VWF: variants seen among roughly 807,000 people sequenced by gnomAD.
VWF encodes Factor VIII related antigen.
A neutral mutation model predicts 308.6 loss-of-function variants in VWF; 176 were observed. The observed-to-expected ratio is 0.57, with a 90% CI of 0.50 to 0.65. VWF has a LOEUF of 0.65. VWF is among the 30% of genes least tolerant of loss of function. The pLI, the probability that VWF is intolerant of heterozygous loss-of-function variation, is 0.00. For missense variants in VWF, 3,146 were observed against 3,648.2 expected (o/e 0.86, Z 3.55); for synonymous variants, 1,385 against 1,443.4 (o/e 0.96, Z 0.92).
intron 18 of VWF, among the ~76,000 whole-genome samples, chr12:6,040,675 C>T (rs1308451280): frequency 6.6e-6 from 1 of 152,192 alleles, no homozygotes; most frequent in Non-Finnish European, 1.5e-5. Context: ...GTTTCTCTGC[C>T]CTTCATTTAT....
At position 6,021,948 on chromosome 12, in the gene VWF, C is replaced by A; in HGVS notation, c.3626G>T (p.Gly1209Val). The A allele has an allele frequency of 6.2e-7, 1 of 1,614,186 alleles. No homozygotes were observed. Among genetic ancestry groups the A allele is most frequent in the Non-Finnish European group, 8.5e-7 (1 of 1,180,036 alleles). ...CEVAGRRFASGKKVTLNPSDP... is the reference protein window; with the variant it reads ...CEVAGRRFASVKKVTLNPSDP... The stretch of plus-strand genomic sequence containing the variant: ...ACTGGGATTCAAGGTGACTTTCTTT[C>A]CTGAGGCAAAACGCCGGCCAGCCAC... Residue 1209 changes from glycine (G) to valine (V), a missense_variant, in exon 27 of 52, where the codon GGA becomes GTA. This residue lies in a region of VWF where 853 missense variants were observed against 1,177.8 expected (regional missense o/e 0.72). Transcript: ENST00000261405.
intron 15 of VWF, 21 bp from the exon 16 acceptor site, chr12:6,052,804 A>G: frequency 6.2e-7 from 1 of 1,609,592 alleles, no homozygotes. Context: ...GAGGAGAAGT[A>G]AGGCCTCAGC....
chr12:6,061,239 C>T (rs1345983708), intron 13 of VWF, among the ~76,000 whole-genome samples: 6 of 151,922 alleles, frequency 3.9e-5, no homozygotes, highest in East Asian at 1.9e-4. Flanking sequence ...AACTGGCTAA[C>T]GTGAAGCACC....
At chr12:5,956,624 G>A (rs1466304210) in intron 47 of VWF, among the ~76,000 whole-genome samples, 2 of 145,138 alleles carry the variant, frequency 1.4e-5, no homozygotes, top group Non-Finnish European at 3.0e-5. Flanking sequence ...CCTGGGTGAC[G>A]AATGAGACCC....
chr12:6,029,312 C>A, intron 22 of VWF, 30 bp downstream of exon 22: 2 of 1,613,680 alleles, frequency 1.2e-6, no homozygotes, highest in Non-Finnish European at 1.7e-6. Flanking sequence ...GGCCAAGTCC[C>A]CAACAAGATG....
At chr12:6,123,752 A>T (rs1012697835) in intron 1 of VWF, among the ~76,000 whole-genome samples, 7 of 152,132 alleles carry the variant, frequency 4.6e-5, no homozygotes, top group African/African-American at 1.7e-4. Context: ...GATGCTTAGC[A>T]CCCAGGAGAT....
intron 9 of VWF, 103 bp downstream of exon 9, chr12:6,072,228 A>G (rs773625536): frequency 1.9e-5 from 20 of 1,052,442 alleles, no homozygotes; most frequent in Non-Finnish European, 2.8e-5. Context: ...CTTTCTTGGC[A>G]CGGTCCAGGT....
rs1432610975 is a variant in VWF at position 6,060,887 on chromosome 12, A to C, written c.1533+2067T>G. ...ATGGGTGGAGAGCACCCTCTCTGTG[A>C]GGTGGGAAGATGCTGAGAAAGTGGA... On this transcript the variant is annotated intron_variant, in intron 13 of 51. Coordinates refer to ENST00000261405, the MANE Select transcript of VWF (RefSeq NM_000552.5). This position sits in a 1 kb window ranked among gnomAD's most constrained non-coding sequence, Gnocchi z 5.1. Among the ~76,000 whole-genome samples the C allele has an allele frequency of 6.6e-6, 1 of 152,082 alleles. No individual in the cohort carries two copies.
At position 6,016,202 on chromosome 12, in the gene VWF, A is replaced by C; in HGVS notation, c.5342T>G (p.Leu1781Trp). The change falls in exon 31 of 52, where the codon TTG (leucine) becomes TGG (tryptophan). Residue 1781 changes from leucine to tryptophan, a missense_variant. Leu to Trp is a moderately conservative substitution (Grantham distance 61). Coordinates refer to ENST00000261405, the MANE Select transcript of VWF (RefSeq NM_000552.5). ...GDALGFAVRY[L>W]TSEMHGARPG... ...CCTGGCACCATGCATTTCTGAAGTC[A>C]AGTATCGCACAGCAAAGCCCAAGGC... is the stretch of plus-strand genomic sequence containing the variant. 1 of 1,614,208 alleles carries C rather than the reference A, an allele frequency of 6.2e-7. No homozygotes were observed. The highest frequency in any genetic ancestry group is 1.1e-5 in the South Asian group (1 of 91,082).
intron 36 of VWF, 49 bp downstream of exon 36, chr12:5,994,356 CAAGTAAGGTT>C: frequency 6.2e-7 from 1 of 1,605,784 alleles, no homozygotes. Flanking sequence ...CAGAGTAGAG[CAAGTAAGGTT>C]TATAAATGTA....
chr12:5,978,632 G>A (rs1455494321), intron 42 of VWF, among the ~76,000 whole-genome samples: 1 of 152,170 alleles, frequency 6.6e-6, no homozygotes, highest in East Asian at 1.9e-4. Flanking sequence ...ACTTAGAAGA[G>A]AAATGATACA....
chr12:6,042,777 T>C (rs184425867), intron 18 of VWF, among the ~76,000 whole-genome samples: 1 of 152,224 alleles, frequency 6.6e-6, no homozygotes, highest in East Asian at 1.9e-4. Flanking sequence ...AATATAATTA[T>C]TGTGGTTACT....
At chr12:6,110,613 G>A in intron 4 of VWF, 31 bp from the exon 5 acceptor site, 1 of 1,606,814 alleles carries the variant, frequency 6.2e-7, no homozygotes, top group Non-Finnish European at 8.5e-7. Context: ...TCAGAAGTGG[G>A]CTTCTTGTGC....
rs191486765 is a variant in VWF at position 6,120,990 on chromosome 12, G to A, written c.220+184C>T. On this transcript the variant is annotated intron_variant, in intron 3 of 51. Transcript: ENST00000261405. Reference sequence around the variant, plus strand: ...TCTTCATCCATCCCACCCGGCTCCCGTGGGGAGAGACCCGGGGAAAGCCAA... The same window carrying A: ...TCTTCATCCATCCCACCCGGCTCCCATGGGGAGAGACCCGGGGAAAGCCAA... 1.7e-3 allele frequency among the ~76,000 whole-genome samples: 253 copies of A among 152,278 alleles called. 1 individual carries two copies. Among genetic ancestry groups the A allele is most frequent in the African/African-American group, 5.0e-3 (207 of 41,562 alleles).
intron 6 of VWF, among the ~76,000 whole-genome samples, chr12:6,079,665 C>T (rs546473743): frequency 6.6e-6 from 1 of 151,866 alleles, no homozygotes. Flanking sequence ...CTCTCAGGCT[C>T]GTGGCAGAGA....
intron 50 of VWF, among the ~76,000 whole-genome samples, chr12:5,950,698 A>G (rs1281722098): frequency 6.6e-6 from 1 of 152,114 alleles, no homozygotes; most frequent in Non-Finnish European, 1.5e-5. Context: ...ATACTATACT[A>G]TGTTGCTGTG....
At chr12:5,955,723 G>A (rs1453474761) in intron 47 of VWF, among the ~76,000 whole-genome samples, 4 of 152,144 alleles carry the variant, frequency 2.6e-5, no homozygotes, top group Non-Finnish European at 5.9e-5. Flanking sequence ...TAGAGGAAAT[G>A]ACAGATATAA....
At position 6,043,645 on chromosome 12, in the gene VWF, G is replaced by T. The variant is rs543885458; in HGVS notation, c.2442+646C>A. On this transcript the variant is annotated intron_variant, in intron 18 of 51. Transcript: ENST00000261405. Reference sequence around the variant, plus strand: ...AGGCATGCTCAGATCATTGCCACCAGCAGCAGAACATCCACATAGGAGCCA... The same window carrying T: ...AGGCATGCTCAGATCATTGCCACCATCAGCAGAACATCCACATAGGAGCCA... Among the ~76,000 whole-genome samples the T allele has an allele frequency of 1.5e-4, 23 of 152,372 alleles. No homozygotes were observed. In the East Asian group the frequency reaches 4.2e-3, roughly 28 times the overall value.
rs372823697 is a variant in VWF at position 6,098,607 on chromosome 12, T to A, written c.533-3023A>T. 1.4e-4 allele frequency among the ~76,000 whole-genome samples: 21 copies of A among 151,892 alleles called. No homozygotes were observed. In the East Asian group the frequency reaches 1.6e-3, roughly 11 times the overall value. On this transcript the variant is annotated intron_variant, in intron 5 of 51. Transcript: ENST00000261405. The stretch of plus-strand genomic sequence containing the variant: ...TCCTGGCTAACATGGTGAAACCCCA[T>A]CTCTACTAAAAATAAACAAAAATTA...
Sources: gnomAD v4.1 joint callset for allele counts (sites outside exome capture counted in the v4.1 genomes callset) on GRCh38, gnomAD v4.1.1 for gene constraint, gnomAD v4.1.1 regional missense constraint, Gnocchi (gnomAD v3.1) non-coding constraint, MANE v1.5 for transcripts, NCBI Gene and HGNC (gene_info 2026-07-23, HGNC 2026-07-21) for gene names.